The following KCND2 variants were observed in gnomAD, a reference collection of about 807,000 sequenced individuals.
The protein encoded by KCND2 is potassium voltage-gated channel subfamily D member 2.
A neutral mutation model predicts 54.4 loss-of-function variants in KCND2; 16 were observed. The observed-to-expected ratio is 0.29, with a 90% CI of 0.20 to 0.45. The LOEUF (loss-of-function observed/expected upper bound fraction) is 0.45, where lower values mean the gene tolerates loss of function less well. Among genes scored for constraint, KCND2 ranks in the 20% least tolerant of loss-of-function variants. KCND2 has a pLI of 1.00. For synonymous variants in KCND2, 317 were observed against 310.7 expected (o/e 1.02, Z -0.21); for missense variants, 486 against 824.2 (o/e 0.59, Z 5.02).
In KCND2 at chr7:120,648,851, CTA is replaced by C. The variant is rs200250297; in HGVS notation, c.1116-84050_1116-84049del. On this transcript the variant is annotated intron_variant, in intron 1 of 5. Coordinates refer to ENST00000331113, the MANE Select transcript of KCND2 (RefSeq NM_012281.3). ...GGCTACTCTACTTCTTATAACCTAA[CTA>C]TGTCTCTTGGCAATACTACAAAGTC... Among the ~76,000 whole-genome samples, 1,031 of 152,322 alleles carry C rather than the reference CTA, an allele frequency of 6.8e-3. 5 individuals carry two copies. Among genetic ancestry groups the C allele is most frequent in the Non-Finnish European group, 8.9e-3 (604 of 68,024 alleles).
At chr7:120,534,606 G>T (rs559191700) in intron 1 of KCND2, among the ~76,000 whole-genome samples, 1 of 152,216 alleles carries the variant, frequency 6.6e-6, no homozygotes, top group East Asian at 1.9e-4. Flanking sequence ...CCCACCAAGG[G>T]TGTTTTTTCA....
chr7:120,416,615 C>G (rs1860705), intron 1 of KCND2, among the ~76,000 whole-genome samples: 1 of 151,914 alleles, frequency 6.6e-6, no homozygotes, highest in Non-Finnish European at 1.5e-5. Flanking sequence ...CAGTGTATTG[C>G]TCTCACAACC....
intron 1 of KCND2, among the ~76,000 whole-genome samples, chr7:120,649,474 G>T (rs1037831945): frequency 6.6e-6 from 1 of 152,074 alleles, no homozygotes; most frequent in African/African-American, 2.4e-5. Context: ...TAGGTTGCCT[G>T]TTCACTCTGA....
intron 1 of KCND2, among the ~76,000 whole-genome samples, chr7:120,703,447 A>G (rs922303548): frequency 1.3e-5 from 2 of 152,114 alleles, no homozygotes; most frequent in African/African-American, 4.8e-5. Context: ...ATTGAACGGT[A>G]TTTTTCACTC....
At chr7:120,466,808 A>T (rs763956525) in intron 1 of KCND2, among the ~76,000 whole-genome samples, 3 of 152,130 alleles carry the variant, frequency 2.0e-5, no homozygotes, top group Non-Finnish European at 4.4e-5. Context: ...ACCAAGGTAC[A>T]CAGGAGTCCT....
At chr7:120,706,334 G>A (rs905827717) in intron 1 of KCND2, among the ~76,000 whole-genome samples, 2 of 152,126 alleles carry the variant, frequency 1.3e-5, no homozygotes, top group Admixed American at 1.3e-4. Context: ...ATCACAGACT[G>A]GGTAATGAGT....
At chr7:120,624,653 C>T (rs553117539) in intron 1 of KCND2, among the ~76,000 whole-genome samples, 70 of 151,992 alleles carry the variant, frequency 4.6e-4, no homozygotes, top group African/African-American at 1.3e-3. Context: ...TGGTGGCCCA[C>T]GCCTGTGGTC....
chr7:120,522,694 G>A (rs995096631), intron 1 of KCND2, among the ~76,000 whole-genome samples: 4 of 152,088 alleles, frequency 2.6e-5, no homozygotes, highest in Non-Finnish European at 4.4e-5. Context: ...TAAAAGTCAC[G>A]AATATTCAGA....
intron 1 of KCND2, among the ~76,000 whole-genome samples, chr7:120,473,097 T>G (rs2116264224): frequency 6.6e-6 from 1 of 152,254 alleles, no homozygotes; most frequent in South Asian, 2.1e-4. Flanking sequence ...TCAGCCCAGC[T>G]TTCAGGGTGG....
At chr7:120,606,312 A>G (rs998841949) in intron 1 of KCND2, among the ~76,000 whole-genome samples, 2 of 152,224 alleles carry the variant, frequency 1.3e-5, no homozygotes, top group Admixed American at 6.5e-5. Context: ...TATCAGATAT[A>G]TAATTTAAAC....
intron 1 of KCND2, among the ~76,000 whole-genome samples, chr7:120,360,787 A>T (rs980400854): frequency 6.6e-6 from 1 of 152,068 alleles, no homozygotes; most frequent in South Asian, 2.1e-4. Context: ...CAAAACTAAA[A>T]CTTTAGATAT....
chr7:120,608,680 G>A (rs980850995), intron 1 of KCND2, among the ~76,000 whole-genome samples: 7 of 152,004 alleles, frequency 4.6e-5, no homozygotes, highest in African/African-American at 1.7e-4. Context: ...CCTACGAAGT[G>A]GCATGGTTTT....
At chr7:120,664,222 T>C (rs890944055) in intron 1 of KCND2, among the ~76,000 whole-genome samples, 10 of 152,256 alleles carry the variant, frequency 6.6e-5, no homozygotes, top group Admixed American at 6.5e-4. Context: ...TGTCTTTGGC[T>C]TTAGAAACAA....
chr7:120,482,655 G>A (rs772559709), intron 1 of KCND2, among the ~76,000 whole-genome samples: 1 of 152,070 alleles, frequency 6.6e-6, no homozygotes, highest in Non-Finnish European at 1.5e-5. Flanking sequence ...GCTCTCATGC[G>A]CTTGCTTCTT....
At chr7:120,602,086 A>G (rs1792820547) in intron 1 of KCND2, among the ~76,000 whole-genome samples, 1 of 152,188 alleles carries the variant, frequency 6.6e-6, no homozygotes, top group Non-Finnish European at 1.5e-5. Context: ...CTTCCATACC[A>G]ACTGACAGAA....
chr7:120,389,464 T>C (rs185243639), intron 1 of KCND2, among the ~76,000 whole-genome samples: 181 of 151,990 alleles, frequency 1.2e-3, no homozygotes, highest in African/African-American at 3.9e-3. Flanking sequence ...GTTAGATTTT[T>C]AGGTTTCTTT....
intron 1 of KCND2, among the ~76,000 whole-genome samples, chr7:120,541,217 TC>T (rs1454052142): frequency 6.6e-6 from 1 of 152,176 alleles, no homozygotes; most frequent in Non-Finnish European, 1.5e-5. Context: ...CAAATTTCTG[TC>T]CTTATTTTAA....
intron 1 of KCND2, among the ~76,000 whole-genome samples, chr7:120,481,515 T>C (rs1221182723): frequency 6.6e-6 from 1 of 152,162 alleles, no homozygotes; most frequent in Non-Finnish European, 1.5e-5. Context: ...TGCTATTCAT[T>C]AAGACAGTGA....
intron 1 of KCND2, among the ~76,000 whole-genome samples, chr7:120,691,224 T>C (rs1212857720): frequency 6.6e-6 from 1 of 152,116 alleles, no homozygotes; most frequent in Non-Finnish European, 1.5e-5. Flanking sequence ...AGCAAAGAAG[T>C]AACAGCTATA....
Sources: gnomAD v4.1 joint callset for allele counts (sites outside exome capture counted in the v4.1 genomes callset) on GRCh38, gnomAD v4.1.1 for gene constraint, MANE v1.5 for transcripts, NCBI Gene and HGNC (gene_info 2026-07-23, HGNC 2026-07-21) for gene names.